The following TAFA2 variants were observed in gnomAD, a reference collection of about 807,000 sequenced individuals.
TAFA2 encodes the protein chemokine-like protein TAFA-2.
In TAFA2, 7 loss-of-function variants were observed where a neutral mutation model predicts 18.8. The ratio of observed to expected loss-of-function variants is 0.37; its 90% CI spans 0.21 to 0.70. TAFA2 has a LOEUF of 0.70. TAFA2 is among the 30% of genes least tolerant of loss of function. The pLI is 0.53. For synonymous variants in TAFA2, 60 were observed against 54.2 expected, an observed-to-expected ratio of 1.11 and a Z score of -0.47; for missense variants, 122 against 158.1, an observed-to-expected ratio of 0.77 and a Z score of 1.23.
At chr12:61,823,320 G>A (rs930558085) in intron 2 of TAFA2, among the ~76,000 whole-genome samples, 2 of 151,862 alleles carry the variant, frequency 1.3e-5, no homozygotes, top group East Asian at 3.9e-4. Flanking sequence ...TTACAGCCAC[G>A]AGCCACCGCA....
intron 1 of TAFA2, among the ~76,000 whole-genome samples, chr12:62,199,033 C>A (rs150709036): frequency 6.6e-6 from 1 of 150,956 alleles, no homozygotes; most frequent in Non-Finnish European, 1.5e-5. Context: ...GTTCACATTT[C>A]TGTGGATTGG....
intron 1 of TAFA2, among the ~76,000 whole-genome samples, chr12:62,184,495 A>G (rs1340933775): frequency 6.6e-5 from 2 of 30,184 alleles, no homozygotes; most frequent in East Asian, 8.1e-4. Context: ...ACGGGAAAAA[A>G]AAAATTCTTT....
At chr12:62,251,011 T>G (rs149295076) in intron 1 of TAFA2, among the ~76,000 whole-genome samples, 2 of 133,548 alleles carry the variant, frequency 1.5e-5, no homozygotes, top group East Asian at 3.9e-4. Context: ...ATGCGTATAT[T>G]GTTGTATGGC....
intron 3 of TAFA2, among the ~76,000 whole-genome samples, chr12:61,754,193 C>G (rs892678045): frequency 1.4e-4 from 21 of 151,688 alleles, no homozygotes; most frequent in Admixed American, 3.3e-4. Flanking sequence ...ATATAATATT[C>G]CCATGAATAA....
At chr12:62,074,050 C>T (rs143582829) in intron 1 of TAFA2, among the ~76,000 whole-genome samples, 2 of 152,286 alleles carry the variant, frequency 1.3e-5, no homozygotes, top group Admixed American at 6.5e-5. Flanking sequence ...ACTTGCCTAG[C>T]ATAGCATTAA....
At chr12:62,177,754 T>C (rs2062523269) in intron 1 of TAFA2, among the ~76,000 whole-genome samples, 1 of 152,154 alleles carries the variant, frequency 6.6e-6, no homozygotes, top group Non-Finnish European at 1.5e-5. Context: ...CCAGGACCCA[T>C]TATTGACTCT....
At chr12:62,064,704 T>C (rs1287184418) in intron 1 of TAFA2, among the ~76,000 whole-genome samples, 1 of 152,114 alleles carries the variant, frequency 6.6e-6, no homozygotes, top group Admixed American at 6.6e-5. Context: ...AAGTAACTTA[T>C]ATGACTGAAT....
At chr12:62,249,920 G>A (rs1008631588) in intron 1 of TAFA2, among the ~76,000 whole-genome samples, 1 of 152,162 alleles carries the variant, frequency 6.6e-6, no homozygotes, top group Non-Finnish European at 1.5e-5. Context: ...TCTAGCAAGG[G>A]TGGTTTCACT....
At chr12:62,150,888 C>CAA (rs879493653) in intron 1 of TAFA2, among the ~76,000 whole-genome samples, 8 of 109,304 alleles carry the variant, frequency 7.3e-5, no homozygotes, top group African/African-American at 1.0e-4. Context: ...AGACCCTGTC[C>CAA]AAAAAAAAAA....
At chr12:61,832,081 T>C (rs1416374184) in intron 2 of TAFA2, among the ~76,000 whole-genome samples, 1 of 152,106 alleles carries the variant, frequency 6.6e-6, no homozygotes, top group African/African-American at 2.4e-5. Flanking sequence ...TTCTTCAATG[T>C]GATCTTGCCA....
At chr12:62,236,425 T>A (rs1454603693) in intron 1 of TAFA2, among the ~76,000 whole-genome samples, 1 of 152,030 alleles carries the variant, frequency 6.6e-6, no homozygotes, top group African/African-American at 2.4e-5. Context: ...CCACCATGCC[T>A]GGCTAATTTT....
rs1292100585 is a variant in TAFA2, at chr12:61,709,173, A to G, written c.*1233T>C. 1.3e-5 allele frequency: 2 copies of G among 152,570 alleles called. No homozygotes were observed. Among genetic ancestry groups the G allele is most frequent in the Non-Finnish European group, 2.9e-5 (2 of 67,998 alleles). 9.5% of individuals were successfully genotyped at this position (152,570 alleles called of 1,614,324 possible). A position where few individuals can be genotyped will look rare whatever the true frequency, so the allele number is the denominator to read the frequency against. On this transcript the variant is annotated 3_prime_UTR_variant, in exon 5 of 5. Coordinates refer to ENST00000416284, the MANE Select transcript of TAFA2 (RefSeq NM_178539.5). ...ATTATACATTCTATAACTTAGAAAA[A>G]AAAAGTACATACATGTTTAAGGCCT...
At chr12:62,191,179 G>A (rs781488586) in intron 1 of TAFA2, 80 bp downstream of exon 1, 2 of 151,982 alleles carry the variant, frequency 1.3e-5, no homozygotes, top group African/African-American at 2.4e-5. Context: ...TGCACACGGG[G>A]GCTTCCGGGA....
intron 4 of TAFA2, among the ~76,000 whole-genome samples, chr12:61,724,701 G>C (rs1374407563): frequency 6.6e-6 from 1 of 150,562 alleles, no homozygotes; most frequent in Non-Finnish European, 1.5e-5. Context: ...TACTGTGAAA[G>C]AAATTATTTC....
At chr12:61,731,380 G>A (rs553941475) in intron 4 of TAFA2, among the ~76,000 whole-genome samples, 27 of 152,144 alleles carry the variant, frequency 1.8e-4, no homozygotes, top group South Asian at 1.0e-3. Context: ...GTCTCCACAC[G>A]CTGTTCTGTG....
At chr12:62,056,516 T>C (rs1340232977) in intron 1 of TAFA2, among the ~76,000 whole-genome samples, 1 of 152,188 alleles carries the variant, frequency 6.6e-6, no homozygotes, top group East Asian at 1.9e-4. Flanking sequence ...GTTCTAGAAC[T>C]TGCAGTGACC....
chr12:61,859,468 G>A (rs1417898437), intron 2 of TAFA2, among the ~76,000 whole-genome samples: 1 of 152,186 alleles, frequency 6.6e-6, no homozygotes, highest in Non-Finnish European at 1.5e-5. Context: ...TTTTGAGATG[G>A]AGTCTCGCTC....
chr12:61,994,990 AAC>A (rs1880136726), intron 1 of TAFA2, among the ~76,000 whole-genome samples: 1 of 150,600 alleles, frequency 6.6e-6, no homozygotes, highest in Admixed American at 6.6e-5. Flanking sequence ...ACTGCCCCCT[AAC>A]TGTCTGCCTG....
chr12:61,850,713 G>A (rs555481287), intron 2 of TAFA2, among the ~76,000 whole-genome samples: 1 of 151,780 alleles, frequency 6.6e-6, no homozygotes, highest in East Asian at 1.9e-4. Context: ...ACATGAGAGA[G>A]GAATTACAGT....
Sources: allele counts gnomAD v4.1 joint callset (sites outside exome capture counted in the v4.1 genomes callset), GRCh38; gene constraint gnomAD v4.1.1; transcripts MANE v1.5; gene names NCBI Gene and HGNC (gene_info 2026-07-23, HGNC 2026-07-21).